MRPL39: variants seen among roughly 807,000 people sequenced by gnomAD.
MRPL39 encodes the protein mitochondrial ribosomal protein L39, also known as large ribosomal subunit protein mL39.
In MRPL39, 35 loss-of-function variants were observed where a neutral mutation model predicts 44.5. The observed-to-expected ratio is 0.79, with a 90% CI of 0.60 to 1.04. The LOEUF is 1.04. MRPL39 is among the 50% of genes least tolerant of loss of function. The pLI is 0.00. For synonymous variants in MRPL39, 139 were observed against 136.1 expected (o/e 1.02, Z -0.15); for missense variants, 433 against 413.5 (o/e 1.05, Z -0.41).
chr21:25,607,379 G>T (rs754564371), intron 1 of MRPL39, 24 bp downstream of exon 1: 20 of 1,613,356 alleles, frequency 1.2e-5, no homozygotes, highest in Non-Finnish European at 1.7e-5. Context: ...CTCGCTCCCT[G>T]TCCCTACGGC....
Position 25,588,890 on chromosome 21 carries a change from A to C in MRPL39, c.922-8T>G. 6.2e-7 allele frequency: 1 copy of C among 1,611,650 alleles called. No individual in the cohort carries two copies. The highest frequency in any genetic ancestry group is 8.5e-7 in the Non-Finnish European group (1 of 1,178,302). On this transcript the variant is annotated splice_polypyrimidine_tract_variant and splice_region_variant and intron_variant, in intron 8 of 9. Coordinates refer to ENST00000352957, the MANE Select transcript of MRPL39 (RefSeq NM_017446.4). ...CCATATTGTAAAATGTGCCTTGAAA[A>C]GAAAAGATTTGCGATGAACTAAATG... is the stretch of plus-strand genomic sequence containing the variant.
intron 3 of MRPL39, among the ~76,000 whole-genome samples, chr21:25,602,189 A>G (rs952879654): frequency 2.0e-5 from 3 of 152,232 alleles, no homozygotes; most frequent in African/African-American, 7.2e-5. Context: ...ACTAAAAATA[A>G]GTACAGACCC....
chr21:25,593,068 C>T, intron 7 of MRPL39, 103 bp from the exon 8 acceptor site: 1 of 1,026,578 alleles, frequency 9.7e-7, no homozygotes, highest in Non-Finnish European at 1.4e-6. Context: ...CATCCCTAAT[C>T]AAGAACATTA....
chr21:25,605,013 G>A (rs2031622959), intron 2 of MRPL39, among the ~76,000 whole-genome samples: 1 of 152,162 alleles, frequency 6.6e-6, no homozygotes, highest in Admixed American at 6.5e-5. Flanking sequence ...CTATCATATC[G>A]CAGAGGTTCC....
intron 4 of MRPL39, 44 bp downstream of exon 4, chr21:25,601,324 C>T: frequency 7.4e-7 from 1 of 1,345,936 alleles, no homozygotes. Context: ...AAATAGGTAC[C>T]AAAATATTTA....
At chr21:25,593,496 T>G (rs9985164) in intron 7 of MRPL39, among the ~76,000 whole-genome samples, 119,211 of 152,196 alleles carry the variant, frequency 0.78, 46,872 homozygotes, top group Non-Finnish European at 0.82. Flanking sequence ...TCATCCATGC[T>G]TGAGAAAGCA....
chr21:25,595,049 T>C (rs936032105), intron 6 of MRPL39, among the ~76,000 whole-genome samples: 2 of 152,212 alleles, frequency 1.3e-5, no homozygotes, highest in African/African-American at 2.4e-5. Flanking sequence ...TCTGTCAGTA[T>C]AGCTAAAGGC....
At chr21:25,596,687 T>A (rs911474853) in intron 6 of MRPL39, among the ~76,000 whole-genome samples, 1 of 140,350 alleles carries the variant, frequency 7.1e-6, no homozygotes, top group Non-Finnish European at 1.6e-5. Context: ...TTTTTTTTTT[T>A]ACAGCACAGG....
chr21:25,594,249 C>CTTTTTTTTT (rs34629790), intron 6 of MRPL39, among the ~76,000 whole-genome samples: 3 of 54,256 alleles, frequency 5.5e-5, no homozygotes, highest in South Asian at 3.7e-4. Flanking sequence ...TTTCTTTGTT[C>CTTTTTTTTT]TTTTTTTTTT....
intron 8 of MRPL39, 23 bp downstream of exon 8, chr21:25,592,789 C>T: frequency 6.5e-7 from 1 of 1,549,750 alleles, no homozygotes; most frequent in East Asian, 2.3e-5. Context: ...ATTGGAAGAC[C>T]TAGAACTTTA....
rs373337013 is a variant in MRPL39, at chr21:25,606,454, G to C, written c.275C>G (p.Ala92Gly). 5.0e-6 allele frequency: 8 copies of C among 1,599,828 alleles called. No homozygotes were observed. The highest frequency in any genetic ancestry group is 1.7e-4 in the Middle Eastern group (1 of 6,018). The stretch of plus-strand genomic sequence containing the variant: ...AACCTGATTCTGCTACTTACGCATG[G>C]CACAACTGTAGGGAGTTGAAATGTT... ...NKNISTPYSC[A>G]MHLSEWYCRK... The change falls in exon 2 of 10, where the codon GCC becomes GGC. Residue 92 changes from alanine to glycine, a missense_variant. Ala to Gly is a moderately conservative substitution (Grantham distance 60). Coordinates refer to ENST00000352957, the MANE Select transcript of MRPL39 (RefSeq NM_017446.4).
intron 6 of MRPL39, among the ~76,000 whole-genome samples, chr21:25,597,013 A>T (rs994261093): frequency 6.6e-6 from 1 of 152,206 alleles, no homozygotes; most frequent in Non-Finnish European, 1.5e-5. Context: ...TAGTCGCTTA[A>T]CGTACATTAT....
At chr21:25,593,103 T>G (rs1470897433) in intron 7 of MRPL39, 138 bp from the exon 8 acceptor site, 3 of 682,306 alleles carry the variant, frequency 4.4e-6, no homozygotes, top group Admixed American at 6.6e-5. Flanking sequence ...CAGTTTCTAA[T>G]GACCCCTGAC....
chr21:25,606,733 T>A, intron 1 of MRPL39, 78 bp from the exon 2 acceptor site: 1 of 1,122,296 alleles, frequency 8.9e-7, no homozygotes, highest in Non-Finnish European at 1.3e-6. Flanking sequence ...GAGGTAAAAT[T>A]AAACCAATTT....
intron 3 of MRPL39, among the ~76,000 whole-genome samples, chr21:25,601,888 T>C (rs1041047747): frequency 6.6e-6 from 1 of 152,232 alleles, no homozygotes; most frequent in Non-Finnish European, 1.5e-5. Flanking sequence ...TATTAGTGAC[T>C]CTTATCCTCT....
chr21:25,605,840 C>T (rs2031647803), intron 2 of MRPL39, among the ~76,000 whole-genome samples: 1 of 152,164 alleles, frequency 6.6e-6, no homozygotes, highest in Admixed American at 6.5e-5. Context: ...GATAGTACCA[C>T]TACACTCCAG....
rs371672865 is a variant in MRPL39, at chr21:25,605,137, A to G, written c.281-1202T>C. Among the ~76,000 whole-genome samples, 12 of 152,384 alleles carry G rather than the reference A, an allele frequency of 7.9e-5. No individual in the cohort carries two copies. The South Asian group carries it at 1.4e-3, about 18-fold the overall frequency. ...TCTAGGCCAGTTTAAGCTGATAACT[A>G]AAGTTGTTAATTACTTAAATGGAAT... On this transcript the variant is annotated intron_variant, in intron 2 of 9. Transcript: ENST00000352957.
chr21:25,595,165 C>T (rs369127672), intron 6 of MRPL39, among the ~76,000 whole-genome samples: 1 of 152,180 alleles, frequency 6.6e-6, no homozygotes, highest in Non-Finnish European at 1.5e-5. Context: ...TGTGTAGGTG[C>T]ACCACAGGTG....
intron 2 of MRPL39, among the ~76,000 whole-genome samples, chr21:25,606,240 A>G (rs1009691163): frequency 3.9e-5 from 6 of 152,124 alleles, no homozygotes; most frequent in African/African-American, 1.2e-4. Context: ...TCAGCCTCCC[A>G]AGTAGCTGGG....
Sources: gnomAD v4.1 joint callset for allele counts (sites outside exome capture counted in the v4.1 genomes callset) on GRCh38, gnomAD v4.1.1 for gene constraint, MANE v1.5 for transcripts, NCBI Gene and HGNC (gene_info 2026-07-23, HGNC 2026-07-21) for gene names.